Variants in FIP1L1 observed in about 807,000 individuals in gnomAD.
FIP1L1 encodes the protein factor interacting with PAPOLA and CPSF1.
Under a neutral mutation model 84.6 loss-of-function variants are expected in FIP1L1, and 21 were observed. That is an observed-to-expected ratio of 0.25 (90% CI 0.18 to 0.36). The LOEUF (loss-of-function observed/expected upper bound fraction) is 0.36, where lower values mean the gene tolerates loss of function less well. Ranked by LOEUF, FIP1L1 falls within the 10% of genes least tolerant of loss-of-function variation. The pLI is 1.00. For missense variants in FIP1L1, 526 were observed against 751.1 expected (o/e 0.70, Z 3.50); for synonymous variants, 263 against 242.3 (o/e 1.09, Z -0.80).
intron 14 of FIP1L1, among the ~76,000 whole-genome samples, chr4:53,443,282 T>G (rs1443729040): frequency 6.6e-6 from 1 of 152,138 alleles, no homozygotes; most frequent in Non-Finnish European, 1.5e-5. Flanking sequence ...TCAAACAGTG[T>G]TGCTAGGCAA....
At chr4:53,381,753 C>CTTTTTTTGTTTTTTT (rs1738058737) in intron 3 of FIP1L1, among the ~76,000 whole-genome samples, 1 of 87,948 alleles carries the variant, frequency 1.1e-5, no homozygotes, top group Non-Finnish European at 2.0e-5. Flanking sequence ...CATTTGCATT[C>CTTTTTTTGTTTTTTT]TTTTTTTTTT....
At chr4:53,426,727 T>G (rs1413930935) in intron 12 of FIP1L1, among the ~76,000 whole-genome samples, 1 of 152,200 alleles carries the variant, frequency 6.6e-6, no homozygotes, top group Non-Finnish European at 1.5e-5. Flanking sequence ...GTTTTCATAT[T>G]CTTAAAATAT....
At position 53,421,530 on chromosome 4, in the gene FIP1L1, T is replaced by G. The variant is rs113100019; in HGVS notation, c.924-4342T>G. ...CTACACAATTTCCATGCAGAACTGT[T>G]TACAGCCATCTATTTACATATGTGA... On this transcript the variant is annotated intron_variant, in intron 11 of 17. Coordinates refer to ENST00000337488, the MANE Select transcript of FIP1L1 (RefSeq NM_030917.4). Among the ~76,000 whole-genome samples, 1,196 of 152,320 alleles carry G rather than the reference T, an allele frequency of 7.9e-3. 8 individuals carry two copies. Among genetic ancestry groups the G allele is most frequent in the Non-Finnish European group, 0.013 (873 of 68,012 alleles).
intron 10 of FIP1L1, among the ~76,000 whole-genome samples, chr4:53,405,938 A>G (rs904455115): frequency 5.3e-5 from 8 of 152,022 alleles, no homozygotes; most frequent in African/African-American, 1.7e-4. Flanking sequence ...TAGATATACA[A>G]TCACGTCATC....
intron 13 of FIP1L1, among the ~76,000 whole-genome samples, chr4:53,436,077 G>T (rs147853569): frequency 6.6e-6 from 1 of 151,990 alleles, no homozygotes; most frequent in Non-Finnish European, 1.5e-5. Context: ...AATAGGAAGC[G>T]TAGTTTACAT....
intron 13 of FIP1L1, among the ~76,000 whole-genome samples, chr4:53,438,223 C>A (rs557473389): frequency 6.6e-6 from 1 of 152,036 alleles, no homozygotes; most frequent in African/African-American, 2.4e-5. Context: ...TTATTTAAGT[C>A]TGTTGTCTAG....
At chr4:53,444,234 G>GTCC in intron 15 of FIP1L1, 131 bp downstream of exon 15, 1 of 585,818 alleles carries the variant, frequency 1.7e-6, no homozygotes, top group South Asian at 2.4e-5. Context: ...CTACAGGAAT[G>GTCC]AGTGGTCTAT....
At chr4:53,415,689 G>GA (rs1481346328) in intron 11 of FIP1L1, among the ~76,000 whole-genome samples, 2 of 151,908 alleles carry the variant, frequency 1.3e-5, no homozygotes, top group Non-Finnish European at 2.9e-5. Flanking sequence ...GAAAAGGGAG[G>GA]AAACACTATC....
chr4:53,415,810 A>G (rs1168259984), intron 11 of FIP1L1, among the ~76,000 whole-genome samples: 1 of 151,872 alleles, frequency 6.6e-6, no homozygotes, highest in Non-Finnish European at 1.5e-5. Context: ...AAAAGTGGAT[A>G]TACATCTCAA....
intron 10 of FIP1L1, among the ~76,000 whole-genome samples, chr4:53,410,878 G>T (rs1314945560): frequency 6.6e-6 from 1 of 152,030 alleles, no homozygotes; most frequent in Non-Finnish European, 1.5e-5. Flanking sequence ...GTACATATTG[G>T]GTTCAGTACC....
intron 10 of FIP1L1, among the ~76,000 whole-genome samples, chr4:53,410,703 ATTTG>A (rs374685165): frequency 2.9e-4 from 44 of 152,350 alleles, no homozygotes; most frequent in African/African-American, 6.0e-4. Flanking sequence ...TAACATAACT[ATTTG>A]TTTAAGAATG....
intron 13 of FIP1L1, among the ~76,000 whole-genome samples, chr4:53,435,730 A>C (rs1768849192): frequency 1.3e-5 from 2 of 151,894 alleles, no homozygotes; most frequent in South Asian, 4.2e-4. Context: ...CTTTTTTTGC[A>C]CCTTGTAATT....
intron 10 of FIP1L1, among the ~76,000 whole-genome samples, 183 bp downstream of exon 10, chr4:53,400,022 G>A (rs1438312389): frequency 1.3e-5 from 2 of 152,188 alleles, no homozygotes; most frequent in African/African-American, 2.4e-5. Flanking sequence ...AAAAAGCCTA[G>A]GGTAAGCAAG....
chr4:53,425,674 G>A (rs562407796), intron 11 of FIP1L1, among the ~76,000 whole-genome samples, 198 bp from the exon 12 acceptor site: 1 of 152,192 alleles, frequency 6.6e-6, no homozygotes, highest in African/African-American at 2.4e-5. Flanking sequence ...GTTGGTTCTA[G>A]CTTGTTTATT....
At chr4:53,434,719 C>T (rs1290739016) in intron 13 of FIP1L1, among the ~76,000 whole-genome samples, 8 of 152,150 alleles carry the variant, frequency 5.3e-5, no homozygotes, top group South Asian at 2.1e-4. Context: ...CCACCCACCT[C>T]GGCTTCCCAA....
intron 5 of FIP1L1, among the ~76,000 whole-genome samples, chr4:53,388,791 T>C (rs1742561686): frequency 6.6e-6 from 1 of 152,216 alleles, no homozygotes; most frequent in Non-Finnish European, 1.5e-5. Context: ...AGTAAAGAAC[T>C]GTCTGTAACC....
chr4:53,421,759 C>G (rs1324556327), intron 11 of FIP1L1, among the ~76,000 whole-genome samples: 1 of 152,160 alleles, frequency 6.6e-6, no homozygotes, highest in Non-Finnish European at 1.5e-5. Flanking sequence ...TATAAACTTT[C>G]AAGCAATAAT....
intron 15 of FIP1L1, 54 bp from the exon 16 acceptor site, chr4:53,452,866 T>G: frequency 2.9e-6 from 4 of 1,369,132 alleles, no homozygotes; most frequent in Non-Finnish European, 4.1e-6. Context: ...TTGGTGGGCA[T>G]TTTGTTTTTT....
At chr4:53,395,395 C>T (rs976486383) in intron 9 of FIP1L1, among the ~76,000 whole-genome samples, 12 of 152,278 alleles carry the variant, frequency 7.9e-5, no homozygotes, top group Non-Finnish European at 1.8e-4. Flanking sequence ...GTCTCTCCCA[C>T]GTCTCTTTCC....
Sources: gnomAD v4.1 joint callset for allele counts (sites outside exome capture counted in the v4.1 genomes callset) on GRCh38, gnomAD v4.1.1 for gene constraint, MANE v1.5 for transcripts, NCBI Gene and HGNC (gene_info 2026-07-23, HGNC 2026-07-21) for gene names.